The following ZNF107 variants were observed in gnomAD, a reference collection of about 807,000 sequenced individuals.
The protein encoded by ZNF107 is zinc finger protein 107.
Under a neutral mutation model 12.3 loss-of-function variants are expected in ZNF107, and 19 were observed. The observed-to-expected ratio is 1.55, with a 90% CI of 1.08 to 2.27. The LOEUF (loss-of-function observed/expected upper bound fraction) is 2.27. ZNF107 is among the 30% of genes most tolerant of loss of function. The probability of loss-of-function intolerance (pLI) is 0.00; values close to 1 mark genes in which losing one functional copy is unlikely to be tolerated. For synonymous variants in ZNF107, 317 were observed against 330.5 expected (o/e 0.96, Z 0.44); for missense variants, 958 against 979.9 (o/e 0.98, Z 0.30).
chr7:64,693,797 G>T (rs756803606), intron 3 of ZNF107, among the ~76,000 whole-genome samples: 1 of 151,426 alleles, frequency 6.6e-6, no homozygotes, highest in Non-Finnish European at 1.5e-5. Flanking sequence ...TTTTTTGTTT[G>T]TTTTTTTTGA....
intron 3 of ZNF107, among the ~76,000 whole-genome samples, chr7:64,700,614 A>C (rs1325743770): frequency 7.5e-6 from 1 of 133,944 alleles, no homozygotes; most frequent in Non-Finnish European, 1.5e-5. Flanking sequence ...ATCCCAGCTC[A>C]CTGCAACCTC....
At chr7:64,669,540 TC>T (rs1255808102) in intron 1 of ZNF107, among the ~76,000 whole-genome samples, 1 of 152,126 alleles carries the variant, frequency 6.6e-6, no homozygotes, top group African/African-American at 2.4e-5. Flanking sequence ...ACGCCTGTAA[TC>T]CCAGCACTTT....
chr7:64,708,688 A>T lies in ZNF107; in HGVS notation c.*32A>T. ...CTACAAGCTTACTACACATAGGAAA[A>T]TTCATACTGGAGAGAAACTACAAAT... On this transcript the variant is annotated 3_prime_UTR_variant, in exon 4 of 4. Coordinates refer to ENST00000620827, the MANE Select transcript of ZNF107 (RefSeq NM_001282359.2). 6.4e-7 allele frequency: 1 copy of T among 1,555,648 alleles called. No homozygotes were observed. The highest frequency in any genetic ancestry group is 2.0e-5 in the Admixed American group (1 of 51,200).
At chr7:64,705,172 C>T (rs1200187634) in intron 3 of ZNF107, among the ~76,000 whole-genome samples, 1 of 152,130 alleles carries the variant, frequency 6.6e-6, no homozygotes, top group Non-Finnish European at 1.5e-5. Flanking sequence ...TTTCATCTTG[C>T]AGTTCGCAAG....
chr7:64,700,483 CTG>C (rs149185757), intron 3 of ZNF107, among the ~76,000 whole-genome samples: 7,552 of 139,110 alleles, frequency 0.054, 260 homozygotes, highest in East Asian at 0.15. Context: ...CAGGTGCAGT[CTG>C]TCAAACCAAG....
intron 1 of ZNF107, among the ~76,000 whole-genome samples, chr7:64,690,739 A>T (rs1790088219): frequency 6.6e-6 from 1 of 151,216 alleles, no homozygotes; most frequent in African/African-American, 2.4e-5. Flanking sequence ...TATCCTATAC[A>T]TTTTTTTATT....
intron 1 of ZNF107, among the ~76,000 whole-genome samples, chr7:64,670,170 C>T (rs1046552346): frequency 2.6e-5 from 4 of 151,974 alleles, no homozygotes; most frequent in African/African-American, 9.7e-5. Flanking sequence ...TTTGTAAAAA[C>T]AGAATAAGGT....
chr7:64,670,554 AAAAAG>A (rs552911070), intron 1 of ZNF107, among the ~76,000 whole-genome samples: 306 of 152,304 alleles, frequency 2.0e-3, no homozygotes, highest in Non-Finnish European at 3.5e-3. Context: ...TTTTAATATG[AAAAAG>A]AAAATATGCA....
chr7:64,697,905 C>T (rs1366840114), intron 3 of ZNF107, among the ~76,000 whole-genome samples: 1 of 152,094 alleles, frequency 6.6e-6, no homozygotes, highest in African/African-American at 2.4e-5. Context: ...TGGTCTCGAA[C>T]TCCTGACCTC....
At chr7:64,675,173 T>C (rs1275958514) in intron 1 of ZNF107, among the ~76,000 whole-genome samples, 1 of 152,172 alleles carries the variant, frequency 6.6e-6, no homozygotes, top group African/African-American at 2.4e-5. Context: ...TTAGAAGAAA[T>C]GGTACCGGCT....
intron 1 of ZNF107, among the ~76,000 whole-genome samples, chr7:64,666,574 C>G (rs1789013324): frequency 6.6e-6 from 1 of 152,190 alleles, no homozygotes. Context: ...GGCGGCTTTG[C>G]ACCCGCAGCG....
chr7:64,697,203 A>C (rs1159074537), intron 3 of ZNF107, among the ~76,000 whole-genome samples: 2 of 152,152 alleles, frequency 1.3e-5, no homozygotes, highest in Non-Finnish European at 2.9e-5. Context: ...ACATTTTCTT[A>C]GTCCAGTCTA....
intron 1 of ZNF107, among the ~76,000 whole-genome samples, chr7:64,682,572 G>C (rs147927150): frequency 4.6e-5 from 7 of 152,276 alleles, no homozygotes; most frequent in African/African-American, 1.4e-4. Flanking sequence ...GGGATGTGCA[G>C]TTGGGGTCCT....
At position 64,707,218 on chromosome 7, in the gene ZNF107, GT is replaced by G; in HGVS notation, c.1122del (p.Cys374TrpfsTer9). ...GGGAAACTCAACAAATGTGAAGAAT[GT>G]GACAAAGCTTTTAACCGATCCTTAA... ...TGGKLNKCEE[C>X]DKAFNRSLKL... On this transcript the variant is annotated frameshift_variant, in exon 4 of 4. Coordinates refer to ENST00000620827, the MANE Select transcript of ZNF107 (RefSeq NM_001282359.2). LOFTEE classifies it low-confidence loss of function (END_TRUNC). The G allele has an allele frequency of 6.2e-7, 1 of 1,613,540 alleles. No homozygotes were observed. Among genetic ancestry groups the G allele is most frequent in the Middle Eastern group, 1.7e-4 (1 of 6,058 alleles).
intron 1 of ZNF107, among the ~76,000 whole-genome samples, chr7:64,680,027 G>T (rs772698757): frequency 6.6e-6 from 1 of 151,850 alleles, no homozygotes; most frequent in African/African-American, 2.4e-5. Flanking sequence ...GTCCGACTCC[G>T]GTCCCAACCC....
At chr7:64,699,544 T>C (rs963431856) in intron 3 of ZNF107, among the ~76,000 whole-genome samples, 2 of 152,172 alleles carry the variant, frequency 1.3e-5, no homozygotes, top group Non-Finnish European at 2.9e-5. Flanking sequence ...TCCACCTCAG[T>C]TTCCTGAGTA....
chr7:64,682,415 G>A (rs550606160), intron 1 of ZNF107, among the ~76,000 whole-genome samples: 1 of 152,040 alleles, frequency 6.6e-6, no homozygotes, highest in Admixed American at 6.6e-5. Flanking sequence ...CCCTTTATAA[G>A]CTTACAAAAG....
At chr7:64,690,175 A>T (rs1790067238) in intron 1 of ZNF107, 1 of 199,822 alleles carries the variant, frequency 5.0e-6, no homozygotes, top group Admixed American at 6.5e-5. Flanking sequence ...CATCATTTGA[A>T]TGAATGTTTA....
At chr7:64,675,055 C>T (rs1459763713) in intron 1 of ZNF107, among the ~76,000 whole-genome samples, 1 of 152,056 alleles carries the variant, frequency 6.6e-6, no homozygotes, top group Non-Finnish European at 1.5e-5. Flanking sequence ...AAGATATTGA[C>T]CTGAAGTTTT....
Sources: allele counts gnomAD v4.1 joint callset (sites outside exome capture counted in the v4.1 genomes callset), GRCh38; gene constraint gnomAD v4.1.1; transcripts MANE v1.5; gene names NCBI Gene and HGNC (gene_info 2026-07-23, HGNC 2026-07-21).